Variants in THSD4 observed in about 807,000 individuals in gnomAD.
THSD4 encodes the protein thrombospondin type 1 domain containing 4.
In THSD4, 69 loss-of-function variants were observed where a neutral mutation model predicts 119.0. The observed-to-expected ratio is 0.58, with a 90% CI of 0.48 to 0.71. THSD4 has a LOEUF of 0.71. Ranked by LOEUF, THSD4 falls within the 30% of genes least tolerant of loss-of-function variation. The pLI is 0.00. For synonymous variants in THSD4, 524 were observed against 540.4 expected (o/e 0.97, Z 0.42); for missense variants, 1,393 against 1,391.1 (o/e 1.00, Z -0.02).
chr15:71,173,060 A>G (rs976570507), intron 3 of THSD4, among the ~76,000 whole-genome samples: 2 of 152,182 alleles, frequency 1.3e-5, no homozygotes, highest in East Asian at 3.9e-4. Context: ...AAAGGCTTCC[A>G]AATTGGAAAT....
At chr15:71,557,431 AC>A (rs2049037852) in intron 7 of THSD4, among the ~76,000 whole-genome samples, 1 of 152,084 alleles carries the variant, frequency 6.6e-6, no homozygotes, top group African/African-American at 2.4e-5. Flanking sequence ...GTGCCTGTAA[AC>A]TTTTCTTTCT....
At chr15:71,590,432 A>G (rs4776562) in intron 7 of THSD4, among the ~76,000 whole-genome samples, 46,982 of 135,262 alleles carry the variant, frequency 0.35, 14,316 homozygotes, top group Non-Finnish European at 0.44. Context: ...GCTGGAAGCC[A>G]TTATCCTCAG....
chr15:71,557,143 C>A (rs1407474102), intron 7 of THSD4, among the ~76,000 whole-genome samples: 1 of 152,124 alleles, frequency 6.6e-6, no homozygotes, highest in Admixed American at 6.5e-5. Context: ...GCTCAATAAA[C>A]CCTCTTCTAT....
chr15:71,761,645 C>T (rs922917), intron 15 of THSD4, among the ~76,000 whole-genome samples: 36,639 of 152,136 alleles, frequency 0.24, 10,653 homozygotes, highest in African/African-American at 0.69. Context: ...AGACACCTGG[C>T]ATCCATTAGT....
chr15:71,734,341 C>G (rs2053040097), intron 10 of THSD4, among the ~76,000 whole-genome samples: 1 of 152,106 alleles, frequency 6.6e-6, no homozygotes, highest in Admixed American at 6.5e-5. Context: ...CATCACGTCA[C>G]AAAGAGACAT....
chr15:71,690,506 A>T (rs1328943857), intron 8 of THSD4, among the ~76,000 whole-genome samples: 1 of 152,228 alleles, frequency 6.6e-6, no homozygotes, highest in Non-Finnish European at 1.5e-5. Context: ...TCACTATGGT[A>T]GACAGAATAA....
rs762794998 is a variant in THSD4 at position 71,243,093 on chromosome 15, C to T, written c.909C>T (p.Thr303=). The T allele has an allele frequency of 5.6e-6, 9 of 1,610,886 alleles. No individual in the cohort carries two copies. The highest frequency in any genetic ancestry group is 7.6e-6 in the Non-Finnish European group (9 of 1,178,248). Residue 303 remains threonine (T), a synonymous_variant, in exon 5 of 18, where the codon ACC becomes ACT. Transcript: ENST00000261862. ...ATCGGCAGTACAAGCTGTGCAACAC[C>T]AACGTGAGTACACACAACCCATACC... ...GAYRQYKLCN[T]NVCPESSRSI...
intron 2 of THSD4, among the ~76,000 whole-genome samples, chr15:71,145,860 G>A (rs1202095533): frequency 1.3e-5 from 2 of 151,920 alleles, no homozygotes; most frequent in African/African-American, 4.8e-5. Flanking sequence ...GAGGGAAGGA[G>A]AAGGAGGAGG....
intron 7 of THSD4, among the ~76,000 whole-genome samples, chr15:71,648,565 TAAAAG>T (rs372704114): frequency 2.6e-5 from 4 of 152,184 alleles, no homozygotes; most frequent in African/African-American, 9.6e-5. Context: ...GTTACAAAGA[TAAAAG>T]AAATCTCTGG....
At chr15:71,493,388 A>G (rs747396273) in intron 7 of THSD4, among the ~76,000 whole-genome samples, 3 of 152,350 alleles carry the variant, frequency 2.0e-5, no homozygotes, top group East Asian at 1.9e-4. Context: ...GACAGGAGCC[A>G]TCTCAAACTT....
rs2048854243 is a variant in THSD4, at chr15:71,547,437, T to C, written c.1153-113093T>C. ...GTTTGTCAGCTACCTGATATTAACA[T>C]TGCTCCACGTTCAAACAGCAGTGTT... On this transcript the variant is annotated intron_variant, in intron 7 of 17. Coordinates refer to ENST00000261862, the MANE Select transcript of THSD4 (RefSeq NM_024817.3). The C allele has an allele frequency of 2.6e-6, 4 of 1,550,432 alleles. No homozygotes were observed. In the Admixed American group the frequency reaches 5.9e-5, roughly 23 times the overall value.
intron 7 of THSD4, among the ~76,000 whole-genome samples, chr15:71,626,489 C>T (rs1259729394): frequency 6.6e-6 from 1 of 152,066 alleles, no homozygotes; most frequent in African/African-American, 2.4e-5. Context: ...CATAATGTGC[C>T]CTTCTGTGTC....
chr15:71,770,346 T>TAAAAAAA (rs71131707), intron 16 of THSD4, among the ~76,000 whole-genome samples: 1 of 127,498 alleles, frequency 7.8e-6, no homozygotes, highest in African/African-American at 3.1e-5. Flanking sequence ...ATATGTCCTT[T>TAAAAAAA]AAAAAAAAAA....
At chr15:71,607,124 A>G (rs192044902) in intron 7 of THSD4, among the ~76,000 whole-genome samples, 36 of 152,352 alleles carry the variant, frequency 2.4e-4, no homozygotes, top group Non-Finnish European at 1.5e-5. Flanking sequence ...ACACTGGCTG[A>G]CACCAGAGAG....
intron 8 of THSD4, among the ~76,000 whole-genome samples, chr15:71,720,925 C>G (rs567941696): frequency 3.3e-5 from 5 of 152,296 alleles, no homozygotes; most frequent in African/African-American, 1.2e-4. Flanking sequence ...TATCTCCCAG[C>G]CAGAAACTAG....
intron 8 of THSD4, among the ~76,000 whole-genome samples, chr15:71,683,137 G>A (rs2051831578): frequency 6.6e-6 from 1 of 151,756 alleles, no homozygotes; most frequent in Admixed American, 6.6e-5. Flanking sequence ...GGCCAGGCTG[G>A]CCTCGAACTC....
At position 71,638,343 on chromosome 15, in the gene THSD4, T is replaced by C. The variant is rs117973604; in HGVS notation, c.1153-22187T>C. Among the ~76,000 whole-genome samples, 34 of 152,332 alleles carry C rather than the reference T, an allele frequency of 2.2e-4. No homozygotes were observed. In the East Asian group the frequency reaches 6.6e-3, roughly 29 times the overall value. ...GGGCCCTTGGCTTCACTCTGACTTG[T>C]GTGACACATAAAAATTGTGATGAAA... On this transcript the variant is annotated intron_variant, in intron 7 of 17. Coordinates refer to ENST00000261862, the MANE Select transcript of THSD4 (RefSeq NM_024817.3).
intron 5 of THSD4, among the ~76,000 whole-genome samples, chr15:71,249,483 A>G (rs2044238479): frequency 6.6e-6 from 1 of 151,560 alleles, no homozygotes; most frequent in Admixed American, 6.6e-5. Context: ...TCATGATTAT[A>G]GAAAGTTGTT....
intron 4 of THSD4, among the ~76,000 whole-genome samples, chr15:71,216,225 AGT>A (rs1050475972): frequency 6.8e-6 from 1 of 147,910 alleles, no homozygotes. Context: ...AAGAACAAAA[AGT>A]GTAAGATGTG....
Sources: allele counts gnomAD v4.1 joint callset (sites outside exome capture counted in the v4.1 genomes callset), GRCh38; gene constraint gnomAD v4.1.1; transcripts MANE v1.5; gene names NCBI Gene and HGNC (gene_info 2026-07-23, HGNC 2026-07-21).